RUNX2: variants seen among roughly 807,000 people sequenced by gnomAD.
RUNX2 encodes runt-related transcription factor 2.
In RUNX2, 10 loss-of-function variants were observed where a neutral mutation model predicts 51.7. That is an observed-to-expected ratio of 0.19 (90% CI 0.12 to 0.33). The LOEUF (loss-of-function observed/expected upper bound fraction) is 0.33, where lower values mean the gene tolerates loss of function less well. Ranked by LOEUF, RUNX2 falls within the 10% of genes least tolerant of loss-of-function variation. The pLI is 1.00. For missense variants in RUNX2, 562 were observed against 691.3 expected (o/e 0.81, Z 2.10); for synonymous variants, 276 against 273.6 (o/e 1.01, Z -0.09).
At chr6:45,351,771 C>T (rs1792103124) in intron 2 of RUNX2, among the ~76,000 whole-genome samples, 1 of 152,098 alleles carries the variant, frequency 6.6e-6, no homozygotes, top group South Asian at 2.1e-4. Context: ...ATTTCAATAG[C>T]CTTCTGCCAC....
At chr6:45,369,407 A>G (rs1795673448) in intron 2 of RUNX2, among the ~76,000 whole-genome samples, 1 of 152,202 alleles carries the variant, frequency 6.6e-6, no homozygotes, top group African/African-American at 2.4e-5. Flanking sequence ...ATTTTAGTTT[A>G]TATTAGTTTA....
At chr6:45,414,478 G>A (rs1390052334) in intron 2 of RUNX2, among the ~76,000 whole-genome samples, 1 of 152,096 alleles carries the variant, frequency 6.6e-6, no homozygotes, top group Admixed American at 6.5e-5. Context: ...TGTAAATGCT[G>A]TATTTACAAA....
intron 2 of RUNX2, among the ~76,000 whole-genome samples, chr6:45,333,283 T>C (rs1420180845): frequency 6.6e-6 from 1 of 151,640 alleles, no homozygotes; most frequent in Non-Finnish European, 1.5e-5. Context: ...GGGAGTTTCC[T>C]TACATTTTTA....
intron 5 of RUNX2, among the ~76,000 whole-genome samples, chr6:45,452,653 T>TAC (rs557163111): frequency 6.6e-6 from 1 of 151,886 alleles, no homozygotes; most frequent in Non-Finnish European, 1.5e-5. Flanking sequence ...ACAAAGCATG[T>TAC]ACACACACAC....
At chr6:45,506,821 T>C (rs1413031230) in intron 6 of RUNX2, among the ~76,000 whole-genome samples, 1 of 152,094 alleles carries the variant, frequency 6.6e-6, no homozygotes, top group East Asian at 1.9e-4. Context: ...TTGTATTTTT[T>C]TGTAGAGGTG....
chr6:45,367,754 C>G (rs932963781), intron 2 of RUNX2, among the ~76,000 whole-genome samples: 1 of 152,172 alleles, frequency 6.6e-6, no homozygotes, highest in Non-Finnish European at 1.5e-5. Context: ...TCCTGAGACA[C>G]TGCTGGAGCA....
chr6:45,507,340 C>T (rs887921458), intron 6 of RUNX2, among the ~76,000 whole-genome samples: 5 of 152,070 alleles, frequency 3.3e-5, no homozygotes, highest in African/African-American at 1.2e-4. Context: ...CTATTAGTAA[C>T]TTTAGGATTG....
chr6:45,441,610 G>A (rs973236039), intron 5 of RUNX2, among the ~76,000 whole-genome samples: 14 of 152,094 alleles, frequency 9.2e-5, no homozygotes, highest in Middle Eastern at 3.2e-3. Context: ...TTTGCTTATG[G>A]TATGCCTCTA....
chr6:45,422,095 CGGCGCGGCGCGGCGGT>C, intron 2 of RUNX2: 1 of 148,682 alleles, frequency 6.7e-6, no homozygotes, highest in South Asian at 2.0e-4. Flanking sequence ...TAGCAGCGCG[CGGCGCGGCGCGGCGGT>C]GGCGGGCAGC....
At chr6:45,401,591 C>T (rs1797713645) in intron 2 of RUNX2, among the ~76,000 whole-genome samples, 1 of 152,200 alleles carries the variant, frequency 6.6e-6, no homozygotes, top group Admixed American at 6.5e-5. Context: ...ACAGGGCTGC[C>T]ATGAGAATTA....
intron 2 of RUNX2, among the ~76,000 whole-genome samples, chr6:45,387,921 T>C (rs1041929796): frequency 1.3e-5 from 2 of 152,206 alleles, no homozygotes; most frequent in Admixed American, 6.5e-5. Flanking sequence ...AGCTTGGTTA[T>C]AGTGACTTGG....
Position 45,547,009 on chromosome 6 carries a change from C to G in RUNX2, c.1270C>G (p.Pro424Ala). 6.2e-7 allele frequency: 1 copy of G among 1,614,110 alleles called. No individual in the cohort carries two copies. The highest frequency in any genetic ancestry group is 1.7e-5 in the Admixed American group (1 of 60,014). ...ATTHYHTYLP[P>A]PYPGSSQSQS... The stretch of plus-strand genomic sequence containing the variant: ...CACTCACTACCACACCTACCTGCCA[C>G]CACCCTACCCCGGCTCTTCCCAAAG... Residue 424 changes from proline to alanine, a missense_variant, in exon 9 of 9, where the codon CCA (proline) becomes GCA (alanine). Pro to Ala is a conservative substitution (Grantham distance 27). Coordinates refer to ENST00000647337, the MANE Select transcript of RUNX2 (RefSeq NM_001024630.4).
intron 2 of RUNX2, among the ~76,000 whole-genome samples, chr6:45,347,869 C>T (rs2150169545): frequency 6.6e-6 from 1 of 151,946 alleles, no homozygotes; most frequent in Non-Finnish European, 1.5e-5. Flanking sequence ...ATACTACATG[C>T]CTACTGAAAT....
intron 2 of RUNX2, among the ~76,000 whole-genome samples, chr6:45,341,674 C>G (rs892031440): frequency 5.3e-5 from 8 of 152,114 alleles, no homozygotes; most frequent in Non-Finnish European, 1.2e-4. Flanking sequence ...AAAATGTATA[C>G]ACATGAAAAT....
In RUNX2 at chr6:45,423,007, C is replaced by T. The variant is rs748619215; in HGVS notation, c.423+50C>T. ...CCCCGGCCGGGAGCGGCGGAACCTG[C>T]CCGCCGGTGTCTTCCTGCCCACGGG... On this transcript the variant is annotated intron_variant, in intron 3 of 8. Transcript: ENST00000647337. 5 of 1,588,126 alleles carry T rather than the reference C, an allele frequency of 3.1e-6. No individual in the cohort carries two copies. In the Admixed American group the frequency reaches 8.6e-5, roughly 27 times the overall value.
chr6:45,380,579 T>G (rs545861336), intron 2 of RUNX2, among the ~76,000 whole-genome samples: 11 of 152,164 alleles, frequency 7.2e-5, no homozygotes, highest in African/African-American at 2.6e-4. Context: ...GTGGTTTCTT[T>G]TTATTATTAT....
intron 3 of RUNX2, 138 bp downstream of exon 3, chr6:45,423,095 G>T: frequency 9.6e-7 from 1 of 1,037,140 alleles, no homozygotes; most frequent in Non-Finnish European, 1.3e-6. Flanking sequence ...GAAACCCCCG[G>T]CCGGGCCTCC....
intron 2 of RUNX2, among the ~76,000 whole-genome samples, chr6:45,369,162 G>A (rs1201965352): frequency 3.9e-5 from 6 of 152,008 alleles, no homozygotes; most frequent in Non-Finnish European, 7.4e-5. Context: ...TCTCAAATCA[G>A]TCACACCTGA....
At chr6:45,418,012 C>T (rs1389280718) in intron 2 of RUNX2, among the ~76,000 whole-genome samples, 1 of 152,162 alleles carries the variant, frequency 6.6e-6, no homozygotes, top group Non-Finnish European at 1.5e-5. Flanking sequence ...AACGAAAATT[C>T]TCCAAAGATC....
Sources: allele counts gnomAD v4.1 joint callset (sites outside exome capture counted in the v4.1 genomes callset), GRCh38; gene constraint gnomAD v4.1.1; transcripts MANE v1.5; gene names NCBI Gene and HGNC (gene_info 2026-07-23, HGNC 2026-07-21).